The following AJAP1 variants were observed in gnomAD, a reference collection of about 807,000 sequenced individuals.
The protein encoded by AJAP1 is adherens junctions associated protein 1, also known as adherens junction-associated protein 1.
AJAP1 carries 5 observed loss-of-function variants against 35.0 expected under a neutral mutation model. The ratio of observed to expected loss-of-function variants is 0.14; its 90% CI spans 0.07 to 0.30. The LOEUF (loss-of-function observed/expected upper bound fraction) is 0.30, where lower values mean the gene tolerates loss of function less well. AJAP1 is among the 10% of genes least tolerant of loss of function. AJAP1 has a pLI of 1.00. For missense variants in AJAP1, 586 were observed against 571.0 expected (o/e 1.03, Z -0.27); for synonymous variants, 284 against 249.3 (o/e 1.14, Z -1.31).
At chr1:4,724,126 C>T (rs1169314458) in intron 2 of AJAP1, among the ~76,000 whole-genome samples, 4 of 152,184 alleles carry the variant, frequency 2.6e-5, no homozygotes, top group Non-Finnish European at 5.9e-5. Context: ...GGGTGGCCTC[C>T]CCAGGCTGGG....
chr1:4,705,339 T>G (rs1640077600), intron 1 of AJAP1, among the ~76,000 whole-genome samples: 1 of 148,812 alleles, frequency 6.7e-6, no homozygotes, highest in South Asian at 2.2e-4. Flanking sequence ...AAGGACTTCA[T>G]GTCTAAAACA....
At chr1:4,669,411 A>G (rs761449808) in intron 1 of AJAP1, among the ~76,000 whole-genome samples, 13 of 152,228 alleles carry the variant, frequency 8.5e-5, no homozygotes, top group Admixed American at 7.2e-4. Flanking sequence ...CAGCAAACTT[A>G]CAATCATGGC....
In AJAP1 at chr1:4,789,469, G is replaced by T. The variant is rs531274583; in HGVS notation, c.*6984G>T. ...AAGTTAATTAGTTTTGTCTCTGGTG[G>T]CTGTCTCTTAAAACAGAATCCCCTG... is the stretch of plus-strand genomic sequence containing the variant. On this transcript the variant is annotated 3_prime_UTR_variant, in exon 6 of 6. Coordinates refer to ENST00000378191, the MANE Select transcript of AJAP1 (RefSeq NM_018836.4). This position sits in a 1 kb window ranked among gnomAD's most constrained non-coding sequence, Gnocchi z 4.4. 5.3e-5 allele frequency: 8 copies of T among 152,294 alleles called. No homozygotes were observed. Among genetic ancestry groups the T allele is most frequent in the Admixed American group, 2.0e-4 (3 of 15,300 alleles). 9.4% of individuals were successfully genotyped at this position (152,294 alleles called of 1,614,324 possible).
chr1:4,692,438 C>T lies in AJAP1; in HGVS notation c.30-19462C>T, dbSNP rs181645850. Among the ~76,000 whole-genome samples the T allele has an allele frequency of 1.8e-4, 27 of 152,284 alleles. No individual in the cohort carries two copies. Among genetic ancestry groups the T allele is most frequent in the African/African-American group, 5.8e-4 (24 of 41,560 alleles). ...ATAGCCTCCGTGGGACTCATCATTA[C>T]GAGGACTTGTAATTGCTTTGCTGGC... is the stretch of plus-strand genomic sequence containing the variant. On this transcript the variant is annotated intron_variant, in intron 1 of 5. Transcript: ENST00000378191. This position sits in a 1 kb window ranked among gnomAD's most constrained non-coding sequence, Gnocchi z 4.4.
chr1:4,746,703 T>C (rs1019169773), intron 2 of AJAP1, among the ~76,000 whole-genome samples: 9 of 152,344 alleles, frequency 5.9e-5, no homozygotes, highest in African/African-American at 2.2e-4. Flanking sequence ...TTGAATTCTA[T>C]TCCTTGCAGC....
chr1:4,761,690 G>A (rs558623876), intron 2 of AJAP1, among the ~76,000 whole-genome samples: 2 of 152,302 alleles, frequency 1.3e-5, no homozygotes, highest in East Asian at 1.9e-4. Flanking sequence ...ACAATAGGCC[G>A]TCTGCAAGCT....
At chr1:4,701,062 C>T (rs2100244649) in intron 1 of AJAP1, among the ~76,000 whole-genome samples, 1 of 152,364 alleles carries the variant, frequency 6.6e-6, no homozygotes, top group South Asian at 2.1e-4. Flanking sequence ...GGCACGTTGC[C>T]CAGGCAACCA....
chr1:4,783,173 G>A lies in AJAP1; in HGVS notation c.*688G>A, dbSNP rs115280749. 0.017 allele frequency: 3,744 copies of A among 223,214 alleles called. 67 individuals carry two copies. The highest frequency in any genetic ancestry group is 0.019 in the Non-Finnish European group (2,136 of 115,114). 13.8% of individuals were successfully genotyped at this position (223,214 alleles called of 1,614,324 possible). ...CTTAGTATGAGCAGAATAAACCAGT[G>A]TTTTCTACTTTGGCAACTCACGTCA... On this transcript the variant is annotated 3_prime_UTR_variant, in exon 6 of 6. Transcript: ENST00000378191.
At chr1:4,771,579 G>A (rs931926334) in intron 3 of AJAP1, among the ~76,000 whole-genome samples, 2 of 152,140 alleles carry the variant, frequency 1.3e-5, no homozygotes, top group Admixed American at 6.5e-5. Context: ...CGGGGGCCTC[G>A]ATTCTTGCTT....
intron 1 of AJAP1, among the ~76,000 whole-genome samples, chr1:4,683,419 G>A (rs773626186): frequency 1.3e-5 from 2 of 152,166 alleles, no homozygotes; most frequent in South Asian, 2.1e-4. Flanking sequence ...GAGCATAAGC[G>A]TTTCTTACCA....
In AJAP1 at chr1:4,772,181, C is replaced by G. The variant is rs1225605162; in HGVS notation, c.918-99C>G. 9.7e-5 allele frequency: 144 copies of G among 1,491,852 alleles called. 1 individual carries two copies. In the East Asian group the frequency reaches 3.2e-3, roughly 33 times the overall value. 92.4% of individuals were successfully genotyped at this position (1,491,852 alleles called of 1,614,324 possible). A position where few individuals can be genotyped will look rare whatever the true frequency, so the allele number is the denominator to read the frequency against. ...GTTTAATATGAAATGATGCGTAGCT[C>G]ACGCCTGCAAGCGAAAGACCCACAG... On this transcript the variant is annotated intron_variant, in intron 3 of 5. Coordinates refer to ENST00000378191, the MANE Select transcript of AJAP1 (RefSeq NM_018836.4).
intron 2 of AJAP1, among the ~76,000 whole-genome samples, chr1:4,745,222 GTC>G (rs1168648388): frequency 1.3e-5 from 2 of 152,196 alleles, no homozygotes; most frequent in East Asian, 3.8e-4. Flanking sequence ...TTGCTGGAGA[GTC>G]TAGGGCGACA....
Position 4,656,635 on chromosome 1 carries a change from G to A in AJAP1, c.29+1181G>A, listed in dbSNP as rs1380547551. On this transcript the variant is annotated intron_variant, in intron 1 of 5. Transcript: ENST00000378191. The surrounding 1 kb of genome is among the most constrained non-coding windows in gnomAD (Gnocchi z 5.7). The stretch of plus-strand genomic sequence containing the variant: ...TCGGAAGGGGACTGGGACGCCAAGT[G>A]TTTTCTAGCGACCCTTGATTTATGA... Among the ~76,000 whole-genome samples, 1 of 152,180 alleles carries A rather than the reference G, an allele frequency of 6.6e-6. No individual in the cohort carries two copies. Among genetic ancestry groups the A allele is most frequent in the East Asian group, 1.9e-4 (1 of 5,188 alleles).
intron 3 of AJAP1, among the ~76,000 whole-genome samples, chr1:4,772,053 T>C (rs543589344): frequency 1.3e-5 from 2 of 151,716 alleles, no homozygotes; most frequent in Admixed American, 6.6e-5. Flanking sequence ...TCCTCCCTGC[T>C]GTAATAGCCA....
chr1:4,778,074 A>C (rs1260369817), intron 5 of AJAP1, among the ~76,000 whole-genome samples: 1 of 152,148 alleles, frequency 6.6e-6, no homozygotes, highest in Non-Finnish European at 1.5e-5. Flanking sequence ...TTTTTTGCAA[A>C]AGCAGACAGT....
At chr1:4,708,977 C>G (rs1307283255) in intron 1 of AJAP1, among the ~76,000 whole-genome samples, 2 of 152,178 alleles carry the variant, frequency 1.3e-5, no homozygotes, top group East Asian at 1.9e-4. Context: ...GCCACTGTTG[C>G]AATTGGTTGG....
intron 2 of AJAP1, among the ~76,000 whole-genome samples, chr1:4,766,126 A>G (rs1027511177): frequency 1.3e-5 from 2 of 152,230 alleles, no homozygotes; most frequent in Non-Finnish European, 2.9e-5. Context: ...ACTGTGGTCC[A>G]TGGGCCAAAC....
At chr1:4,772,648 G>C (rs1482679102) in intron 4 of AJAP1, 123 bp downstream of exon 4, 1 of 1,412,644 alleles carries the variant, frequency 7.1e-7, no homozygotes, top group Non-Finnish European at 9.5e-7. Flanking sequence ...GTCGCTTTGA[G>C]GGGCCCAGCC....
At chr1:4,665,347 T>G (rs1639093294) in intron 1 of AJAP1, among the ~76,000 whole-genome samples, 1 of 152,154 alleles carries the variant, frequency 6.6e-6, no homozygotes. Context: ...TGTGCAGGCT[T>G]CCAGGGGCAT....
Sources: allele counts gnomAD v4.1 joint callset (sites outside exome capture counted in the v4.1 genomes callset), GRCh38; gene constraint gnomAD v4.1.1; non-coding constraint Gnocchi (gnomAD v3.1); transcripts MANE v1.5; gene names NCBI Gene and HGNC (gene_info 2026-07-23, HGNC 2026-07-21).